PCLO: variants seen among roughly 807,000 people sequenced by gnomAD.
PCLO encodes the protein piccolo presynaptic cytomatrix protein, also known as protein piccolo.
In PCLO, 82 loss-of-function variants were observed where a neutral mutation model predicts 427.5. The observed-to-expected ratio is 0.19, with a 90% CI of 0.16 to 0.23. The LOEUF (loss-of-function observed/expected upper bound fraction) is 0.23, where lower values mean the gene tolerates loss of function less well. Ranked by LOEUF, PCLO falls within the 10% of genes least tolerant of loss-of-function variation. PCLO has a pLI of 1.00. For synonymous variants in PCLO, 2,357 were observed against 2,155.4 expected (o/e 1.09, Z -2.59); for missense variants, 6,239 against 6,115.9 (o/e 1.02, Z -0.67).
At chr7:83,096,872 A>T (rs1312398649) in intron 3 of PCLO, among the ~76,000 whole-genome samples, 1 of 69,770 alleles carries the variant, frequency 1.4e-5, no homozygotes, top group African/African-American at 6.4e-5. Flanking sequence ...TATATTATAT[A>T]ATATAAATAT....
At chr7:82,872,273 AC>A (rs1476231854) in intron 10 of PCLO, among the ~76,000 whole-genome samples, 1 of 152,072 alleles carries the variant, frequency 6.6e-6, no homozygotes, top group Non-Finnish European at 1.5e-5. Flanking sequence ...AAATACACAA[AC>A]AATCCAATGA....
chr7:83,087,542 A>T (rs922044119), intron 3 of PCLO, among the ~76,000 whole-genome samples: 1 of 152,188 alleles, frequency 6.6e-6, no homozygotes, highest in African/African-American at 2.4e-5. Context: ...ATGAATACTT[A>T]GTAGCCTTGG....
chr7:82,817,093 C>A (rs994365811), intron 20 of PCLO, among the ~76,000 whole-genome samples: 1 of 152,128 alleles, frequency 6.6e-6, no homozygotes, highest in Non-Finnish European at 1.5e-5. Flanking sequence ...TTTTCACAGA[C>A]AACAAAATAA....
chr7:82,864,622 T>G (rs1793047066), intron 10 of PCLO, among the ~76,000 whole-genome samples: 1 of 152,150 alleles, frequency 6.6e-6, no homozygotes, highest in African/African-American at 2.4e-5. Flanking sequence ...GCAGGTTAGT[T>G]TCAGTTTCTT....
Position 82,756,551 on chromosome 7 carries a change from T to C in PCLO, c.*2024A>G, listed in dbSNP as rs1790323374. The C allele has an allele frequency of 7.4e-6, 1 of 136,044 alleles. No homozygotes were observed. The highest frequency in any genetic ancestry group is 1.6e-5 in the Non-Finnish European group (1 of 61,516). 8.4% of individuals were successfully genotyped at this position (136,044 alleles called of 1,614,324 possible). ...TATTCTGAAGTCATATATATATATA[T>C]ATATCCTGGGATATATTAGAAATTC... On this transcript the variant is annotated 3_prime_UTR_variant, in exon 25 of 25. Coordinates refer to ENST00000333891, the MANE Select transcript of PCLO (RefSeq NM_033026.6).
At chr7:83,035,368 G>A (rs1788768561) in intron 3 of PCLO, among the ~76,000 whole-genome samples, 1 of 152,106 alleles carries the variant, frequency 6.6e-6, no homozygotes, top group Admixed American at 6.6e-5. Context: ...AGGGCTAGAG[G>A]TTATCTTGCA....
chr7:82,889,765 A>G (rs984364590), intron 9 of PCLO, among the ~76,000 whole-genome samples: 3 of 152,164 alleles, frequency 2.0e-5, no homozygotes, highest in Non-Finnish European at 4.4e-5. Context: ...ACGTCTGTAC[A>G]ATGTAATAAG....
At chr7:82,903,195 T>A (rs963586918) in intron 8 of PCLO, among the ~76,000 whole-genome samples, 1 of 151,928 alleles carries the variant, frequency 6.6e-6, no homozygotes, top group African/African-American at 2.4e-5. Context: ...TACTTTGACA[T>A]CTCTGTCATC....
intron 3 of PCLO, among the ~76,000 whole-genome samples, chr7:83,063,405 T>C (rs747076409): frequency 1.2e-4 from 19 of 152,046 alleles, no homozygotes; most frequent in Admixed American, 5.9e-4. Context: ...GACTTAACAA[T>C]GGTGCCATAT....
chr7:83,131,384 G>A (rs909788143), intron 3 of PCLO, among the ~76,000 whole-genome samples: 1 of 152,172 alleles, frequency 6.6e-6, no homozygotes, highest in Non-Finnish European at 1.5e-5. Context: ...CAACCTTAGC[G>A]ACAGGTGTGT....
intron 3 of PCLO, among the ~76,000 whole-genome samples, chr7:83,103,977 T>C (rs531332802): frequency 7.2e-5 from 11 of 152,102 alleles, no homozygotes; most frequent in African/African-American, 2.6e-4. Flanking sequence ...ATCTAAAGGA[T>C]TGTGACCCAA....
chr7:83,090,079 C>T (rs993274646), intron 3 of PCLO, among the ~76,000 whole-genome samples: 14 of 152,062 alleles, frequency 9.2e-5, no homozygotes, highest in Admixed American at 4.6e-4. Context: ...CCGAGGTGGA[C>T]GGATCACGAG....
chr7:83,154,144 A>G (rs1776764036), intron 2 of PCLO, among the ~76,000 whole-genome samples: 2 of 152,196 alleles, frequency 1.3e-5, no homozygotes, highest in Admixed American at 1.3e-4. Flanking sequence ...CCTAGGCGAT[A>G]TAAACTGTCA....
chr7:83,151,346 G>C (rs953439892), intron 2 of PCLO, among the ~76,000 whole-genome samples: 1 of 152,094 alleles, frequency 6.6e-6, no homozygotes, highest in South Asian at 2.1e-4. Flanking sequence ...GGCCAAATTT[G>C]TTTCAAATAT....
In PCLO at chr7:82,838,282, C is replaced by T. The variant is rs2115759354; in HGVS notation, c.14158G>A (p.Val4720Ile). ...GAATAACCATTGTTGTCTCGAGGAACAAGATTTCTTGCTTGGAGAATATGT... is the reference window on the plus strand; with the variant it reads ...GAATAACCATTGTTGTCTCGAGGAATAAGATTTCTTGCTTGGAGAATATGT... ...IIHILQARNL[V>I]PRDNNGYSDP... Residue 4720 changes from valine (V) to isoleucine (I), a missense_variant, in exon 15 of 25, where the codon GTT becomes ATT. Physicochemically the swap from Val to Ile is conservative, Grantham distance 29. Coordinates refer to ENST00000333891, the MANE Select transcript of PCLO (RefSeq NM_033026.6). 1 of 1,578,388 alleles carries T rather than the reference C, an allele frequency of 6.3e-7. No individual in the cohort carries two copies.
chr7:82,813,810 G>A (rs1014205219), intron 20 of PCLO, among the ~76,000 whole-genome samples: 1 of 151,572 alleles, frequency 6.6e-6, no homozygotes, highest in African/African-American at 2.4e-5. Context: ...TATCCTTTTG[G>A]CATTAAATAT....
chr7:82,983,562 AT>A (rs1004470969), intron 3 of PCLO, among the ~76,000 whole-genome samples: 3 of 150,002 alleles, frequency 2.0e-5, no homozygotes, highest in Admixed American at 1.3e-4. Flanking sequence ...AATATTACAG[AT>A]CTAGCTAAAA....
intron 9 of PCLO, among the ~76,000 whole-genome samples, chr7:82,896,880 T>G (rs1416709776): frequency 1.3e-5 from 2 of 151,692 alleles, no homozygotes; most frequent in African/African-American, 4.8e-5. Flanking sequence ...TTATAATTGC[T>G]AAGTCTTTCT....
intron 10 of PCLO, among the ~76,000 whole-genome samples, chr7:82,864,321 C>T (rs1042038446): frequency 1.3e-5 from 2 of 152,088 alleles, no homozygotes; most frequent in Non-Finnish European, 2.9e-5. Context: ...GACATGATTA[C>T]TCCTACTATG....
Sources: gnomAD v4.1 joint callset for allele counts (sites outside exome capture counted in the v4.1 genomes callset) on GRCh38, gnomAD v4.1.1 for gene constraint, MANE v1.5 for transcripts, NCBI Gene and HGNC (gene_info 2026-07-23, HGNC 2026-07-21) for gene names.